The following C8orf34 variants were observed in gnomAD, a reference collection of about 807,000 sequenced individuals.
The protein encoded by C8orf34 is chromosome 8 open reading frame 34, also known as uncharacterized protein C8orf34.
Under a neutral mutation model 68.3 loss-of-function variants are expected in C8orf34, and 65 were observed. The ratio of observed to expected loss-of-function variants is 0.95; its 90% CI spans 0.78 to 1.17. The LOEUF is 1.17. Among genes scored for constraint, C8orf34 ranks in the 50% most tolerant of loss-of-function variants. The pLI is 0.00. For missense variants in C8orf34, 664 were observed against 655.4 expected, an observed-to-expected ratio of 1.01 and a Z score of -0.14; for synonymous variants, 244 against 241.2, an observed-to-expected ratio of 1.01 and a Z score of -0.11.
At chr8:68,554,386 C>A (rs910147618) in intron 7 of C8orf34, among the ~76,000 whole-genome samples, 1 of 151,952 alleles carries the variant, frequency 6.6e-6, no homozygotes, top group East Asian at 1.9e-4. Context: ...TTCTTTAATT[C>A]TTTTAGCTAT....
At chr8:68,605,501 A>C (rs11998496) in intron 7 of C8orf34, among the ~76,000 whole-genome samples, 40,652 of 151,956 alleles carry the variant, frequency 0.27, 7,578 homozygotes, top group African/African-American at 0.54. Flanking sequence ...ATTATGGTGC[A>C]GCCATGAAAC....
intron 7 of C8orf34, among the ~76,000 whole-genome samples, chr8:68,591,193 C>T (rs1817378991): frequency 6.6e-6 from 1 of 152,136 alleles, no homozygotes; most frequent in African/African-American, 2.4e-5. Context: ...AATCGCCAAA[C>T]TAAAGGTCCT....
intron 1 of C8orf34, among the ~76,000 whole-genome samples, chr8:68,434,056 A>G (rs1265990344): frequency 2.0e-5 from 3 of 152,204 alleles, no homozygotes; most frequent in African/African-American, 7.2e-5. Flanking sequence ...CTCAATAATT[A>G]CATAATGATT....
At chr8:68,587,769 A>G (rs1817251248) in intron 7 of C8orf34, among the ~76,000 whole-genome samples, 1 of 152,142 alleles carries the variant, frequency 6.6e-6, no homozygotes, top group Admixed American at 6.6e-5. Flanking sequence ...AGAATAACTA[A>G]CTGAACAACA....
At chr8:68,514,575 T>C (rs16934677) in intron 5 of C8orf34, among the ~76,000 whole-genome samples, 1 of 152,194 alleles carries the variant, frequency 6.6e-6, no homozygotes, top group South Asian at 2.1e-4. Context: ...TGATGTCTTG[T>C]TCCATTTCAG....
At chr8:68,619,120 G>C (rs1398601186) in intron 7 of C8orf34, among the ~76,000 whole-genome samples, 1 of 152,052 alleles carries the variant, frequency 6.6e-6, no homozygotes, top group African/African-American at 2.4e-5. Context: ...TTGAGCTCAG[G>C]AGTTTGAGAC....
intron 7 of C8orf34, among the ~76,000 whole-genome samples, chr8:68,636,270 A>G (rs188383991): frequency 1.7e-4 from 26 of 152,184 alleles, no homozygotes; most frequent in African/African-American, 5.1e-4. Context: ...CTGTGGGTCA[A>G]CGTTCTAATG....
intron 1 of C8orf34, among the ~76,000 whole-genome samples, chr8:68,352,740 G>A (rs1261356455): frequency 2.0e-5 from 3 of 152,026 alleles, no homozygotes; most frequent in Non-Finnish European, 2.9e-5. Flanking sequence ...CTTTAAACCA[G>A]CAATTTCATT....
At chr8:68,426,518 C>CAAAAAAAAAAAAAAAAAAA (rs753578060) in intron 1 of C8orf34, among the ~76,000 whole-genome samples, 1 of 29,610 alleles carries the variant, frequency 3.4e-5, no homozygotes, top group East Asian at 1.3e-3. Flanking sequence ...GACCTTGTCT[C>CAAAAAAAAAAAAAAAAAAA]AAAAAAAAAA....
chr8:68,348,675 T>C (rs1806382569), intron 1 of C8orf34, among the ~76,000 whole-genome samples: 1 of 152,116 alleles, frequency 6.6e-6, no homozygotes, highest in Non-Finnish European at 1.5e-5. Flanking sequence ...CAGAGATCTT[T>C]CTCCTCCCTG....
intron 8 of C8orf34, among the ~76,000 whole-genome samples, chr8:68,665,734 G>A (rs1389987704): frequency 6.6e-6 from 1 of 152,084 alleles, no homozygotes; most frequent in Non-Finnish European, 1.5e-5. Flanking sequence ...TTCATTTCAA[G>A]TGTCACCTCA....
chr8:68,488,709 G>A (rs760502432), intron 5 of C8orf34, among the ~76,000 whole-genome samples: 1 of 152,108 alleles, frequency 6.6e-6, no homozygotes, highest in African/African-American at 2.4e-5. Context: ...AATTTGTCAG[G>A]TTTGGATAAC....
In C8orf34 at chr8:68,730,754, T is replaced by A. The variant is rs974411646; in HGVS notation, c.1404+9317T>A. 6.6e-5 allele frequency among the ~76,000 whole-genome samples: 10 copies of A among 152,088 alleles called. 1 individual carries two copies. Among genetic ancestry groups the A allele is most frequent in the South Asian group, 4.1e-4 (2 of 4,834 alleles). Reference sequence around the variant, plus strand: ...TATCAGTTAAATTCTGCCTTTAATTTTTAAAATAATGGGAAGGGAGTGTGG... The same window carrying A: ...TATCAGTTAAATTCTGCCTTTAATTATTAAAATAATGGGAAGGGAGTGTGG... On this transcript the variant is annotated intron_variant, in intron 10 of 13. Coordinates refer to ENST00000518698, the MANE Select transcript of C8orf34 (RefSeq NM_052958.4).
intron 1 of C8orf34, among the ~76,000 whole-genome samples, chr8:68,414,053 GT>G (rs1809558515): frequency 6.6e-6 from 1 of 152,174 alleles, no homozygotes; most frequent in South Asian, 2.1e-4. Flanking sequence ...TATTCTCTCT[GT>G]CTGGAATGCC....
chr8:68,792,810 A>C (rs1210246159), intron 12 of C8orf34, among the ~76,000 whole-genome samples: 3 of 152,098 alleles, frequency 2.0e-5, no homozygotes, highest in Middle Eastern at 6.8e-3. Context: ...GCCAGAAAGC[A>C]ATAAAAAATA....
chr8:68,430,076 C>T (rs1417279256), intron 1 of C8orf34, among the ~76,000 whole-genome samples: 1 of 151,910 alleles, frequency 6.6e-6, no homozygotes, highest in Non-Finnish European at 1.5e-5. Context: ...CAGTCCCAAC[C>T]CAAAAGCTCC....
At chr8:68,759,904 G>A (rs533732889) in intron 10 of C8orf34, among the ~76,000 whole-genome samples, 167 of 152,294 alleles carry the variant, frequency 1.1e-3, no homozygotes, top group Non-Finnish European at 1.9e-3. Flanking sequence ...GAGGTACTGG[G>A]AATCTGGAAA....
chr8:68,600,148 C>T (rs942626690), intron 7 of C8orf34, among the ~76,000 whole-genome samples: 4 of 152,082 alleles, frequency 2.6e-5, no homozygotes, highest in Non-Finnish European at 4.4e-5. Flanking sequence ...GTGGACTTCT[C>T]AGCGGTTGCT....
At chr8:68,664,230 G>T (rs1294589757) in intron 8 of C8orf34, among the ~76,000 whole-genome samples, 1 of 152,124 alleles carries the variant, frequency 6.6e-6, no homozygotes, top group Non-Finnish European at 1.5e-5. Context: ...CTCCTCAGGG[G>T]TTAGTTTTGG....
Sources: gnomAD v4.1 joint callset for allele counts (sites outside exome capture counted in the v4.1 genomes callset) on GRCh38, gnomAD v4.1.1 for gene constraint, MANE v1.5 for transcripts, NCBI Gene and HGNC (gene_info 2026-07-23, HGNC 2026-07-21) for gene names.